The following TPRG1 variants were observed in gnomAD, a reference collection of about 807,000 sequenced individuals.
TPRG1 encodes tumor protein p63-regulated gene 1 protein.
Under a neutral mutation model 29.3 loss-of-function variants are expected in TPRG1, and 29 were observed. That is an observed-to-expected ratio of 0.99 (90% CI 0.74 to 1.35). The LOEUF (loss-of-function observed/expected upper bound fraction) is 1.35, where lower values mean the gene tolerates loss of function less well. Ranked by LOEUF, TPRG1 falls within the 40% of genes most tolerant of loss-of-function variation. TPRG1 has a pLI of 0.00. For missense variants in TPRG1, 327 were observed against 335.0 expected (o/e 0.98, Z 0.19); for synonymous variants, 130 against 116.8 (o/e 1.11, Z -0.73).
At chr3:189,016,095 C>G (rs1378487283) in intron 3 of TPRG1, among the ~76,000 whole-genome samples, 1 of 152,020 alleles carries the variant, frequency 6.6e-6, no homozygotes. Context: ...TGAAAGCAGC[C>G]AAGAGGCCTG....
chr3:189,138,995 A>G (rs548758243), intron 3 of TPRG1, among the ~76,000 whole-genome samples: 1 of 152,272 alleles, frequency 6.6e-6, no homozygotes, highest in South Asian at 2.1e-4. Flanking sequence ...TCCAGCCATG[A>G]GAAAATGGAC....
chr3:189,202,019 C>T (rs1384529468), intron 1 of TPRG1, among the ~76,000 whole-genome samples: 6 of 152,042 alleles, frequency 3.9e-5, no homozygotes, highest in African/African-American at 7.2e-5. Context: ...TCTTTGCCTC[C>T]GACTCATGTT....
chr3:189,062,771 C>G, intron 4 of TPRG1, among the ~76,000 whole-genome samples: 1 of 151,924 alleles, frequency 6.6e-6, no homozygotes, highest in Non-Finnish European at 1.5e-5. Flanking sequence ...CAAAGAAATA[C>G]TCTGAGAAAT....
intron 3 of TPRG1, 125 bp from the exon 4 acceptor site, chr3:189,238,608 C>A: frequency 1.4e-6 from 1 of 729,174 alleles, no homozygotes; most frequent in Non-Finnish European, 2.2e-6. Flanking sequence ...TTAGGTATTT[C>A]TCAGCCCCTC....
At chr3:189,291,229 G>T (rs1718958075) in intron 4 of TPRG1, among the ~76,000 whole-genome samples, 1 of 152,116 alleles carries the variant, frequency 6.6e-6, no homozygotes, top group Non-Finnish European at 1.5e-5. Flanking sequence ...CCTAGGTCTG[G>T]CTTCAACAAA....
chr3:189,172,684 A>G (rs1728970401), intron 1 of TPRG1, among the ~76,000 whole-genome samples: 1 of 152,230 alleles, frequency 6.6e-6, no homozygotes, highest in Admixed American at 6.5e-5. Flanking sequence ...GGGAAATTTC[A>G]TAATAATATA....
At chr3:189,021,790 T>C (rs1166048393) in intron 3 of TPRG1, among the ~76,000 whole-genome samples, 2 of 152,158 alleles carry the variant, frequency 1.3e-5, no homozygotes, top group Non-Finnish European at 2.9e-5. Flanking sequence ...CCTTGCTAGA[T>C]TGGGGAAGTT....
intron 4 of TPRG1, among the ~76,000 whole-genome samples, chr3:189,037,076 T>C (rs1372796469): frequency 6.6e-6 from 1 of 151,324 alleles, no homozygotes; most frequent in African/African-American, 2.4e-5. Context: ...TCACCCTCCT[T>C]TCCTCATACA....
intron 4 of TPRG1, among the ~76,000 whole-genome samples, chr3:189,290,955 T>G (rs1373777056): frequency 6.6e-6 from 1 of 152,036 alleles, no homozygotes; most frequent in Admixed American, 6.6e-5. Flanking sequence ...CAGGCTGGAG[T>G]GCAGTGGCCC....
intron 4 of TPRG1, among the ~76,000 whole-genome samples, chr3:189,293,090 AT>A (rs1719291752): frequency 6.6e-6 from 1 of 152,120 alleles, no homozygotes; most frequent in Non-Finnish European, 1.5e-5. Flanking sequence ...GGTTTATGTC[AT>A]TCATTAGGCA....
chr3:189,050,237 G>A (rs1296134284), intron 4 of TPRG1, among the ~76,000 whole-genome samples: 1 of 151,718 alleles, frequency 6.6e-6, no homozygotes, highest in Non-Finnish European at 1.5e-5. Context: ...ACCTCACTAA[G>A]AAACAAAACA....
intron 3 of TPRG1, among the ~76,000 whole-genome samples, chr3:189,237,854 G>C (rs1739781601): frequency 6.6e-6 from 1 of 152,076 alleles, no homozygotes; most frequent in Admixed American, 6.6e-5. Context: ...CAGTTTTTTA[G>C]GGAAAAACAA....
intron 2 of TPRG1, among the ~76,000 whole-genome samples, chr3:189,207,969 T>C (rs1408857208): frequency 6.6e-6 from 1 of 152,166 alleles, no homozygotes; most frequent in Non-Finnish European, 1.5e-5. Flanking sequence ...GTGGAAAAGA[T>C]ATGGATAATG....
intron 1 of TPRG1, among the ~76,000 whole-genome samples, chr3:189,197,580 A>C (rs537067327): frequency 2.0e-5 from 3 of 152,168 alleles, no homozygotes; most frequent in Non-Finnish European, 4.4e-5. Context: ...TTTGGCTTAC[A>C]GAGTGGTTTT....
chr3:189,001,142 T>G (rs1711999215), intron 2 of TPRG1, among the ~76,000 whole-genome samples: 1 of 152,138 alleles, frequency 6.6e-6, no homozygotes, highest in Non-Finnish European at 1.5e-5. Context: ...TGGAGAATGT[T>G]AACAACATGA....
chr3:189,016,974 G>A (rs1398986472), intron 3 of TPRG1, among the ~76,000 whole-genome samples: 2 of 152,128 alleles, frequency 1.3e-5, no homozygotes, highest in South Asian at 2.1e-4. Context: ...GAATTTGAAT[G>A]TTGGCCTGTC....
intron 3 of TPRG1, among the ~76,000 whole-genome samples, chr3:189,017,526 A>C (rs1346285409): frequency 6.6e-6 from 1 of 152,162 alleles, no homozygotes; most frequent in Admixed American, 6.6e-5. Context: ...GATGATTTCC[A>C]GTTTCATCCA....
intron 4 of TPRG1, among the ~76,000 whole-genome samples, chr3:189,061,189 A>G (rs570823997): frequency 6.6e-6 from 1 of 152,336 alleles, no homozygotes; most frequent in South Asian, 2.1e-4. Flanking sequence ...AAAACAAGCA[A>G]TGAGGAAAAG....
chr3:189,243,179 A>C (rs116170222), intron 4 of TPRG1, among the ~76,000 whole-genome samples: 4 of 152,200 alleles, frequency 2.6e-5, no homozygotes, highest in Non-Finnish European at 5.9e-5. Context: ...GGAAATTTCT[A>C]ATCATGGCAG....
Sources: gnomAD v4.1 joint callset for allele counts (sites outside exome capture counted in the v4.1 genomes callset) on GRCh38, gnomAD v4.1.1 for gene constraint, MANE v1.5 for transcripts, NCBI Gene and HGNC (gene_info 2026-07-23, HGNC 2026-07-21) for gene names.